Variants in UNK observed in about 807,000 individuals in gnomAD.
The protein encoded by UNK is unk zinc finger.
UNK carries 32 observed loss-of-function variants against 97.6 expected under a neutral mutation model. That is an observed-to-expected ratio of 0.33 (90% CI 0.25 to 0.44). UNK has a LOEUF of 0.44. Ranked by LOEUF, UNK falls within the 20% of genes least tolerant of loss-of-function variation. The pLI, the probability that UNK is intolerant of heterozygous loss-of-function variation, is 1.00. For missense variants in UNK, 771 were observed against 1,098.4 expected (o/e 0.70, Z 4.21); for synonymous variants, 441 against 461.2 (o/e 0.96, Z 0.56).
intron 1 of UNK, among the ~76,000 whole-genome samples, chr17:75,796,320 C>T (rs1445127297): frequency 7.3e-6 from 1 of 137,394 alleles, no homozygotes; most frequent in Non-Finnish European, 1.6e-5. Context: ...ATATTTAAAG[C>T]TTTTTTTTTT....
chr17:75,812,306 C>T lies in UNK; in HGVS notation c.491+18C>T. On this transcript the variant is annotated intron_variant, in intron 3 of 15. Transcript: ENST00000589666. The stretch of plus-strand genomic sequence containing the variant: ...GACATCAGGTGGGCTGGGTGCTGGG[C>T]TGGGCTGATGGCAGTAGGCTGGGGT... 6.2e-7 allele frequency: 1 copy of T among 1,602,222 alleles called. No individual in the cohort carries two copies. Among genetic ancestry groups the T allele is most frequent in the Non-Finnish European group, 8.5e-7 (1 of 1,172,416 alleles).
chr17:75,813,335 C>A, intron 5 of UNK, 122 bp downstream of exon 5: 4 of 1,351,600 alleles, frequency 3.0e-6, no homozygotes, highest in Non-Finnish European at 3.0e-6. Context: ...GACAGGATCG[C>A]AAGCCCAGGG....
rs1874780911 is a variant in UNK at position 75,825,146 on chromosome 17, G to A, written c.*729G>A. 1 of 152,164 alleles carries A rather than the reference G, an allele frequency of 6.6e-6. No homozygotes were observed. Among genetic ancestry groups the A allele is most frequent in the South Asian group, 2.1e-4 (1 of 4,824 alleles). The allele number at this position is 152,164 out of a possible 1,614,324, so 9.4% of individuals were successfully genotyped here. On this transcript the variant is annotated 3_prime_UTR_variant, in exon 16 of 16. Transcript: ENST00000589666. The surrounding 1 kb of genome is among the most constrained non-coding windows in gnomAD (Gnocchi z 4.4). The stretch of plus-strand genomic sequence containing the variant: ...ACCTGGGCCCTTGAAGCTCCTTGAG[G>A]GGCAAGGCCCAGGAGTTCCAGCCCT...
chr17:75,820,640 T>C (rs2062058798), intron 13 of UNK, among the ~76,000 whole-genome samples: 1 of 152,072 alleles, frequency 6.6e-6, no homozygotes, highest in Admixed American at 6.5e-5. Flanking sequence ...TAGAATGGTA[T>C]GGAATGGGGG....
intron 1 of UNK, among the ~76,000 whole-genome samples, chr17:75,786,281 A>G (rs2061710070): frequency 6.6e-6 from 1 of 152,224 alleles, no homozygotes; most frequent in African/African-American, 2.4e-5. Flanking sequence ...GATGAGTTGA[A>G]TGGTGTAGTC....
At position 75,817,030 on chromosome 17, in the gene UNK, G is replaced by T; in HGVS notation, c.1104+118G>T. 7.2e-7 allele frequency: 1 copy of T among 1,397,908 alleles called. No homozygotes were observed. The highest frequency in any genetic ancestry group is 1.4e-5 in the South Asian group (1 of 69,614). 86.6% of individuals were successfully genotyped at this position (1,397,908 alleles called of 1,614,324 possible). ...TCCTGGTATTTGTCCTCAGGCCAGG[G>T]GGATCTGTCTTTTCCATCTCAGCAT... On this transcript the variant is annotated intron_variant, in intron 8 of 15. Coordinates refer to ENST00000589666, the MANE Select transcript of UNK (RefSeq NM_001080419.3). This position sits in a 1 kb window ranked among gnomAD's most constrained non-coding sequence, Gnocchi z 5.8.
intron 1 of UNK, among the ~76,000 whole-genome samples, chr17:75,796,712 T>A (rs1162287960): frequency 6.6e-6 from 1 of 152,238 alleles, no homozygotes; most frequent in African/African-American, 2.4e-5. Flanking sequence ...AGAATGTGTA[T>A]GTATATCCTT....
chr17:75,818,715 C>T lies in UNK; in HGVS notation c.1445C>T (p.Ala482Val), dbSNP rs761269036. Residue 482 changes from alanine (A) to valine (V), a missense_variant, in exon 11 of 16, where the codon GCA becomes GTA. Coordinates refer to ENST00000589666, the MANE Select transcript of UNK (RefSeq NM_001080419.3). The surrounding 1 kb of genome is among the most constrained non-coding windows in gnomAD (Gnocchi z 5.1). ...SISSSITSSL[A>V]ATPPSPVGTS... ...TCTTCTAGTATCACCTCCAGCCTGGCAGCTACCCCCCCTAGCCCAGTGGGC... is the reference window on the plus strand; with the variant it reads ...TCTTCTAGTATCACCTCCAGCCTGGTAGCTACCCCCCCTAGCCCAGTGGGC... The T allele has an allele frequency of 1.2e-5, 19 of 1,613,212 alleles. No individual in the cohort carries two copies. The highest frequency in any genetic ancestry group is 1.6e-5 in the Non-Finnish European group (19 of 1,179,518).
In UNK at chr17:75,823,295, G is replaced by A. The variant is rs758730517; in HGVS notation, c.2050G>A (p.Glu684Lys). The change falls in exon 15 of 16, where the codon GAG becomes AAG. Residue 684 changes from glutamate (E) to lysine (K), a missense_variant. By Grantham distance (56) the Glu-to-Lys change is moderately conservative. Transcript: ENST00000589666. ...TGATGCCTGGAAGAAAGAGGCGGAGGAGGCTGGTGAGCGGGCCAGTGCGGC... is the reference window on the plus strand; with the variant it reads ...TGATGCCTGGAAGAAAGAGGCGGAGAAGGCTGGTGAGCGGGCCAGTGCGGC... ...ACDAWKKEAE[E>K]AGERASAAGA... The A allele has an allele frequency of 4.2e-5, 67 of 1,606,804 alleles. No individual in the cohort carries two copies. Among genetic ancestry groups the A allele is most frequent in the Non-Finnish European group, 2.6e-6 (3 of 1,175,558 alleles).
At chr17:75,800,167 C>T (rs544315708) in intron 1 of UNK, among the ~76,000 whole-genome samples, 2 of 152,224 alleles carry the variant, frequency 1.3e-5, no homozygotes, top group African/African-American at 4.8e-5. Flanking sequence ...CTCCCAGGCT[C>T]AAAGAATCCT....
intron 1 of UNK, among the ~76,000 whole-genome samples, chr17:75,789,300 T>C (rs1437198816): frequency 6.6e-6 from 1 of 152,164 alleles, no homozygotes; most frequent in Non-Finnish European, 1.5e-5. Context: ...CGATAATGTA[T>C]ATGTATTATT....
At position 75,817,994 on chromosome 17, in the gene UNK, G is replaced by T; in HGVS notation, c.1306-109G>T. On this transcript the variant is annotated intron_variant, in intron 9 of 15. Transcript: ENST00000589666. The surrounding 1 kb of genome is among the most constrained non-coding windows in gnomAD (Gnocchi z 5.8). ...GGTGTGTGCATGCATGTGAAGAGGG[G>T]TTGCATGTCTGCCACCACCTGCCCC... The T allele has an allele frequency of 1.9e-6, 2 of 1,034,838 alleles. No homozygotes were observed. The highest frequency in any genetic ancestry group is 1.9e-5 in the Admixed American group (1 of 52,760). 64.1% of individuals were successfully genotyped at this position (1,034,838 alleles called of 1,614,324 possible). A position where few individuals can be genotyped will look rare whatever the true frequency, so the allele number is the denominator to read the frequency against.
chr17:75,815,279 C>T (rs1450053006), intron 7 of UNK, 26 bp downstream of exon 7: 7 of 1,598,430 alleles, frequency 4.4e-6, no homozygotes, highest in African/African-American at 1.3e-5. Context: ...TGCCCCGGGG[C>T]AGTGCCCTCT....
At position 75,818,006 on chromosome 17, in the gene UNK, C is replaced by T. The variant is rs2062032394; in HGVS notation, c.1306-97C>T. The T allele has an allele frequency of 2.4e-6, 3 of 1,231,106 alleles. No individual in the cohort carries two copies. Among genetic ancestry groups the T allele is most frequent in the South Asian group, 1.2e-5 (1 of 80,928 alleles). The allele number at this position is 1,231,106 out of a possible 1,614,324, so 76.3% of individuals were successfully genotyped here. On this transcript the variant is annotated intron_variant, in intron 9 of 15. Coordinates refer to ENST00000589666, the MANE Select transcript of UNK (RefSeq NM_001080419.3). This position sits in a 1 kb window ranked among gnomAD's most constrained non-coding sequence, Gnocchi z 5.1. ...CATGTGAAGAGGGGTTGCATGTCTG[C>T]CACCACCTGCCCCCTGGTACCTGCA...
intron 1 of UNK, 42 bp downstream of exon 1, chr17:75,785,026 A>T: frequency 8.3e-7 from 1 of 1,201,122 alleles, no homozygotes; most frequent in Non-Finnish European, 1.1e-6. Flanking sequence ...CGCACGCCTG[A>T]CGTCAGCGGC....
At chr17:75,801,190 A>G (rs957267868) in intron 1 of UNK, among the ~76,000 whole-genome samples, 1 of 152,154 alleles carries the variant, frequency 6.6e-6, no homozygotes, top group Non-Finnish European at 1.5e-5. Flanking sequence ...GGTGTGAGCC[A>G]CTGCACCCAG....
chr17:75,784,930 C>T lies in UNK; in HGVS notation c.50C>T (p.Pro17Leu). The T allele has an allele frequency of 6.4e-7, 1 of 1,554,586 alleles. No homozygotes were observed. Among genetic ancestry groups the T allele is most frequent in the Non-Finnish European group, 8.7e-7 (1 of 1,153,124 alleles). Reference sequence around the variant, plus strand: ...GGCTCCGCAGCTTCCTCGGCGCCCCCGGCCGCTACCGCTCAGGTGCTGCAG... The same window carrying T: ...GGCTCCGCAGCTTCCTCGGCGCCCCTGGCCGCTACCGCTCAGGTGCTGCAG... ...PGGSAASSAP[P>L]AATAQVLQAQ... The change falls in exon 1 of 16, where the codon CCG becomes CTG. Residue 17 changes from proline to leucine, a missense_variant. This residue lies in a region of UNK where 34 missense variants were observed against 24.7 expected (regional missense o/e 1.37). Transcript: ENST00000589666.
In UNK at chr17:75,813,153, C is replaced by T. The variant is rs2061985908; in HGVS notation, c.698C>T (p.Ala233Val). ...KPPRLCRQGYACPYYHNSKDR... is the reference protein window; with the variant it reads ...KPPRLCRQGYVCPYYHNSKDR... ...CCGCGGCTGTGCCGCCAAGGCTATG[C>T]CTGTCCCTACTACCACAACAGCAAG... is the stretch of plus-strand genomic sequence containing the variant. The change falls in exon 5 of 16, where the codon GCC becomes GTC. Residue 233 changes from alanine (A) to valine (V), a missense_variant. Around this residue, in one of 5 missense-constraint regions of UNK, gnomAD observed 246 missense variants for 440.7 expected, o/e 0.56. Coordinates refer to ENST00000589666, the MANE Select transcript of UNK (RefSeq NM_001080419.3). 1.3e-6 allele frequency: 2 copies of T among 1,591,514 alleles called. No individual in the cohort carries two copies. Among genetic ancestry groups the T allele is most frequent in the Admixed American group, 1.8e-5 (1 of 56,100 alleles).
intron 1 of UNK, among the ~76,000 whole-genome samples, chr17:75,802,285 G>C (rs990354620): frequency 8.9e-6 from 1 of 112,026 alleles, no homozygotes; most frequent in Non-Finnish European, 1.6e-5. Flanking sequence ...TTGAGACAGG[G>C]TCTCGCTCTG....
Sources: allele counts gnomAD v4.1 joint callset (sites outside exome capture counted in the v4.1 genomes callset), GRCh38; gene constraint gnomAD v4.1.1; regional missense constraint gnomAD v4.1.1; non-coding constraint Gnocchi (gnomAD v3.1); transcripts MANE v1.5; gene names NCBI Gene and HGNC (gene_info 2026-07-23, HGNC 2026-07-21).